Variants in NR3C2 observed in about 807,000 individuals in gnomAD.
NR3C2 encodes nuclear receptor subfamily 3 group C member 2, also known as mineralocorticoid receptor.
In NR3C2, 15 loss-of-function variants were observed where a neutral mutation model predicts 86.4. That is an observed-to-expected ratio of 0.17 (90% CI 0.12 to 0.27). NR3C2 has a LOEUF of 0.27. NR3C2 is among the 10% of genes least tolerant of loss of function. The pLI is 1.00. For synonymous variants in NR3C2, 458 were observed against 450.5 expected (o/e 1.02, Z -0.21); for missense variants, 960 against 1,195.6 (o/e 0.80, Z 2.91).
intron 7 of NR3C2, among the ~76,000 whole-genome samples, chr4:148,115,218 T>A (rs1732221517): frequency 6.6e-6 from 1 of 152,230 alleles, no homozygotes; most frequent in Non-Finnish European, 1.5e-5. Flanking sequence ...TTAAAAGGAA[T>A]ACTTTGAAAT....
chr4:148,375,645 C>T (rs931673250), intron 2 of NR3C2, among the ~76,000 whole-genome samples: 6 of 152,040 alleles, frequency 3.9e-5, no homozygotes, highest in African/African-American at 1.4e-4. Context: ...TTTTGCTCGT[C>T]TATTTTAATA....
chr4:148,299,409 C>T (rs1287282313), intron 2 of NR3C2, among the ~76,000 whole-genome samples: 3 of 152,172 alleles, frequency 2.0e-5, no homozygotes, highest in African/African-American at 4.8e-5. Context: ...TGGTCCAACC[C>T]GGACTTTTCT....
At chr4:148,296,056 A>AAAAAAG (rs2149914559) in intron 2 of NR3C2, among the ~76,000 whole-genome samples, 1 of 151,198 alleles carries the variant, frequency 6.6e-6, no homozygotes, top group South Asian at 2.1e-4. Flanking sequence ...AAAAAAAAAA[A>AAAAAAG]AAAAAAAAAA....
rs923957718 is a variant in NR3C2 at position 148,120,302 on chromosome 4, G to A, written c.2511-14C>T. The stretch of plus-strand genomic sequence containing the variant: ...TGCATCTTCTCTCTGCAAAGGAAAA[G>A]AAGAAAATGTCTGAGAATGCAAGAT... On this transcript the variant is annotated splice_polypyrimidine_tract_variant and intron_variant, in intron 6 of 8. Coordinates refer to ENST00000358102, the MANE Select transcript of NR3C2 (RefSeq NM_000901.5). 8.1e-6 allele frequency: 13 copies of A among 1,613,840 alleles called. No homozygotes were observed. In the Admixed American group the frequency reaches 1.7e-4, roughly 21 times the overall value.
intron 8 of NR3C2, among the ~76,000 whole-genome samples, chr4:148,111,628 T>C (rs991014542): frequency 6.6e-6 from 1 of 152,104 alleles, no homozygotes; most frequent in Non-Finnish European, 1.5e-5. Flanking sequence ...ATCCATACAA[T>C]GGGAAACTAC....
rs141707087 is a variant in NR3C2 at position 148,304,352 on chromosome 4, T to TTTTTA, written c.1758-44236_1758-44235insTAAAA. On this transcript the variant is annotated intron_variant, in intron 2 of 8. Coordinates refer to ENST00000358102, the MANE Select transcript of NR3C2 (RefSeq NM_000901.5). ...GCTTTTTTTTTTTTTTTTTTTTTTTTAACCAGTTGGGCTTTTGGCTTCCCT... is the reference window on the plus strand; with the variant it reads ...GCTTTTTTTTTTTTTTTTTTTTTTTTTTTTAAACCAGTTGGGCTTTTGGCTTCCCT... Among the ~76,000 whole-genome samples the TTTTTA allele has an allele frequency of 1.9e-3, 246 of 129,944 alleles. 1 individual carries two copies. The highest frequency in any genetic ancestry group is 0.01 in the East Asian group (48 of 4,574). 85.2% of individuals were successfully genotyped at this position (129,944 alleles called of 152,430 possible). A position where few individuals can be genotyped will look rare whatever the true frequency, so the allele number is the denominator to read the frequency against.
At chr4:148,359,582 T>C (rs1394612777) in intron 2 of NR3C2, among the ~76,000 whole-genome samples, 4 of 152,198 alleles carry the variant, frequency 2.6e-5, no homozygotes, top group African/African-American at 9.6e-5. Flanking sequence ...CATCTTTCAC[T>C]GCTGTCCAAG....
intron 2 of NR3C2, among the ~76,000 whole-genome samples, chr4:148,421,296 T>G (rs1749269309): frequency 6.6e-6 from 1 of 152,240 alleles, no homozygotes; most frequent in African/African-American, 2.4e-5. Context: ...TCTTTTTGGA[T>G]TAAGTGCTTT....
chr4:148,095,949 C>T (rs951887918), intron 8 of NR3C2, among the ~76,000 whole-genome samples: 8 of 152,202 alleles, frequency 5.3e-5, no homozygotes, highest in African/African-American at 1.9e-4. Flanking sequence ...ACAAATTTAA[C>T]ACCAATCACT....
At chr4:148,346,511 G>C (rs1191859728) in intron 2 of NR3C2, among the ~76,000 whole-genome samples, 1 of 152,020 alleles carries the variant, frequency 6.6e-6, no homozygotes, top group Non-Finnish European at 1.5e-5. Flanking sequence ...AGAGCCCAGT[G>C]AAAGTTATGG....
intron 8 of NR3C2, among the ~76,000 whole-genome samples, chr4:148,099,659 C>T (rs549353350): frequency 2.0e-5 from 3 of 152,248 alleles, no homozygotes; most frequent in African/African-American, 7.2e-5. Context: ...AAGAAAGACA[C>T]TATGTAAATC....
At chr4:148,426,684 A>T (rs1749547937) in intron 2 of NR3C2, among the ~76,000 whole-genome samples, 1 of 152,130 alleles carries the variant, frequency 6.6e-6, no homozygotes, top group Admixed American at 6.5e-5. Flanking sequence ...TGCACTTTAA[A>T]CTGTACTTGA....
chr4:148,363,506 C>G (rs12507179), intron 2 of NR3C2, among the ~76,000 whole-genome samples: 1 of 110,774 alleles, frequency 9.0e-6, no homozygotes, highest in Non-Finnish European at 1.7e-5. Flanking sequence ...TCATAGATCT[C>G]TTTTTTTTTT....
intron 2 of NR3C2, among the ~76,000 whole-genome samples, chr4:148,418,523 T>C (rs1191881518): frequency 1.3e-5 from 2 of 152,218 alleles, no homozygotes; most frequent in Non-Finnish European, 2.9e-5. Flanking sequence ...TTCCTCTCTC[T>C]ACAATAATGT....
chr4:148,349,480 T>G (rs1170880980), intron 2 of NR3C2, among the ~76,000 whole-genome samples: 1 of 152,100 alleles, frequency 6.6e-6, no homozygotes, highest in Non-Finnish European at 1.5e-5. Flanking sequence ...AAAGAAATTG[T>G]ACTCAGAGAA....
intron 2 of NR3C2, among the ~76,000 whole-genome samples, chr4:148,323,852 G>A (rs1743794887): frequency 7.2e-6 from 1 of 139,174 alleles, no homozygotes; most frequent in Non-Finnish European, 1.5e-5. Flanking sequence ...CGTCGCTCAC[G>A]CTGGGAGCTG....
At chr4:148,195,502 C>T (rs1202866109) in intron 3 of NR3C2, among the ~76,000 whole-genome samples, 1 of 152,164 alleles carries the variant, frequency 6.6e-6, no homozygotes, top group Non-Finnish European at 1.5e-5. Flanking sequence ...CAGTGATGAA[C>T]AAGACAGACA....
At chr4:148,197,347 C>T (rs1315293387) in intron 3 of NR3C2, among the ~76,000 whole-genome samples, 1 of 152,134 alleles carries the variant, frequency 6.6e-6, no homozygotes. Context: ...ACTGAATAAA[C>T]TTTAAAGTCC....
At chr4:148,104,342 GTTT>G (rs57175085) in intron 8 of NR3C2, among the ~76,000 whole-genome samples, 1 of 63,792 alleles carries the variant, frequency 1.6e-5, no homozygotes, top group African/African-American at 5.5e-5. Context: ...TTTTGGTTTG[GTTT>G]TTTTTTTTTT....
Sources: gnomAD v4.1 joint callset for allele counts (sites outside exome capture counted in the v4.1 genomes callset) on GRCh38, gnomAD v4.1.1 for gene constraint, MANE v1.5 for transcripts, NCBI Gene and HGNC (gene_info 2026-07-23, HGNC 2026-07-21) for gene names.